Variants in SPOCK2 observed in about 807,000 individuals in gnomAD.
SPOCK2 encodes SPARC (osteonectin), cwcv and kazal like domains proteoglycan 2.
In SPOCK2, 39 loss-of-function variants were observed where a neutral mutation model predicts 60.1. The ratio of observed to expected loss-of-function variants is 0.65; its 90% CI spans 0.50 to 0.85. The LOEUF (loss-of-function observed/expected upper bound fraction) is 0.85, where lower values mean the gene tolerates loss of function less well. Among genes scored for constraint, SPOCK2 ranks in the 40% least tolerant of loss-of-function variants. The pLI is 0.00. For missense variants in SPOCK2, 523 were observed against 567.4 expected (o/e 0.92, Z 0.80); for synonymous variants, 217 against 231.5 (o/e 0.94, Z 0.57).
rs768302004 is a variant in SPOCK2, at chr10:72,072,519, A to T, written c.228T>A (p.Asn76Lys). The T allele has an allele frequency of 1.2e-5, 19 of 1,613,840 alleles. No individual in the cohort carries two copies. The Admixed American group carries it at 2.8e-4, about 24-fold the overall frequency. ...EDDYIKSWED[N>K]QQGDEALDTT... ...TCATGTTACCTTCATCTCCTTGCTG[A>T]TTGTCCTCCCAGCTCTTGATATAGT... Residue 76 changes from asparagine (N) to lysine (K), a missense_variant, in exon 3 of 11, where the codon AAT becomes AAA. Transcript: ENST00000373109.
intron 1 of SPOCK2, among the ~76,000 whole-genome samples, chr10:72,080,079 G>T (rs1396072322): frequency 6.6e-6 from 1 of 152,100 alleles, no homozygotes; most frequent in Non-Finnish European, 1.5e-5. Flanking sequence ...CACCCGGGGA[G>T]CCTAGGGACA....
intron 8 of SPOCK2, among the ~76,000 whole-genome samples, chr10:72,064,675 C>G (rs981737365): frequency 6.6e-6 from 1 of 152,184 alleles, no homozygotes; most frequent in Non-Finnish European, 1.5e-5. Flanking sequence ...CATAAGATTA[C>G]AACACTATTT....
chr10:72,067,112 T>A lies in SPOCK2; in HGVS notation c.718A>T (p.Lys240Ter), dbSNP rs764159280. Reference protein sequence around the residue: ...SVAGPASGLDKSLGASCKDSI... With the variant: ...SVAGPASGLD ...TCCTTGCAGCTGGCCCCCAGGCTCT[T>A]GTCCAGCCCTGGGAAAAGATCAGGT... The change falls in exon 8 of 11, where the codon AAG becomes TAG. Residue 240 changes from lysine (K) to a stop codon, truncating the protein, a stop_gained. Transcript: ENST00000373109. LOFTEE classifies it high-confidence loss of function. The A allele has an allele frequency of 6.2e-7, 1 of 1,613,454 alleles. No homozygotes were observed. The highest frequency in any genetic ancestry group is 8.5e-7 in the Non-Finnish European group (1 of 1,179,846).
chr10:72,064,354 G>A (rs370924311), intron 8 of SPOCK2, 114 bp from the exon 9 acceptor site: 21 of 1,185,780 alleles, frequency 1.8e-5, no homozygotes, highest in Middle Eastern at 2.2e-4. Flanking sequence ...AAAACACCCC[G>A]TTTCTGACAC....
In SPOCK2 at chr10:72,072,922, G is replaced by A. The variant is rs1300086450; in HGVS notation, c.190-12C>T. The stretch of plus-strand genomic sequence containing the variant: ...CTCACCTCCACTTCCTGGAGATCAG[G>A]GAACAGCAGCAGGCCATGGAAAACG... On this transcript the variant is annotated splice_polypyrimidine_tract_variant and intron_variant, in intron 1 of 10. Coordinates refer to ENST00000373109, the MANE Select transcript of SPOCK2 (RefSeq NM_001244950.2). 19 of 1,555,040 alleles carry A rather than the reference G, an allele frequency of 1.2e-5. No individual in the cohort carries two copies. The highest frequency in any genetic ancestry group is 1.6e-5 in the Non-Finnish European group (18 of 1,148,840).
In SPOCK2 at chr10:72,063,021, G is replaced by A. The variant is rs775974916; in HGVS notation, c.1129+4C>T. On this transcript the variant is annotated splice_donor_region_variant and intron_variant, in intron 10 of 10. Coordinates refer to ENST00000373109, the MANE Select transcript of SPOCK2 (RefSeq NM_001244950.2). ...CAGCAGGCCCTGAGCTGCCCAGCCC[G>A]TACCGCAGTCGGGGCTCCCATGCGT... The A allele has an allele frequency of 2.4e-5, 37 of 1,559,682 alleles. No individual in the cohort carries two copies. Among genetic ancestry groups the A allele is most frequent in the East Asian group, 4.8e-5 (2 of 41,618 alleles).
rs146659809 is a variant in SPOCK2, at chr10:72,068,435, G to A, written c.475-134C>T. The A allele has an allele frequency of 3.3e-3, 3,033 of 914,850 alleles. 40 individuals carry two copies. Among genetic ancestry groups the A allele is most frequent in the African/African-American group, 0.033 (1,974 of 59,626 alleles). The allele number at this position is 914,850 out of a possible 1,614,324, so 56.7% of individuals were successfully genotyped here. ...GGAGTGCCCATGAACAGCCTGAAGG[G>A]TCCTCTTGGTTCCTCTGCAGACTGA... is the stretch of plus-strand genomic sequence containing the variant. On this transcript the variant is annotated intron_variant, in intron 5 of 10. Transcript: ENST00000373109.
intron 1 of SPOCK2, among the ~76,000 whole-genome samples, chr10:72,083,899 C>T (rs1287277165): frequency 6.6e-6 from 1 of 152,186 alleles, no homozygotes; most frequent in Non-Finnish European, 1.5e-5. Flanking sequence ...CCCACACTTA[C>T]CCACAGACGT....
At chr10:72,078,454 T>G (rs1840744032) in intron 1 of SPOCK2, among the ~76,000 whole-genome samples, 1 of 151,840 alleles carries the variant, frequency 6.6e-6, no homozygotes, top group South Asian at 2.1e-4. Flanking sequence ...GAGCTTGTAG[T>G]GAGCCAAGAT....
chr10:72,086,115 C>A, intron 1 of SPOCK2: 1 of 893,448 alleles, frequency 1.1e-6, no homozygotes, highest in Non-Finnish European at 1.3e-6. Flanking sequence ...GCCAGGACTA[C>A]CTTAAATGGG....
At chr10:72,064,722 T>G (rs1468625006) in intron 8 of SPOCK2, among the ~76,000 whole-genome samples, 1 of 152,174 alleles carries the variant, frequency 6.6e-6, no homozygotes, top group Non-Finnish European at 1.5e-5. Context: ...ATGTTTATTT[T>G]TTTATTTTTT....
rs535007522 is a variant in SPOCK2, at chr10:72,075,592, G to T, written c.190-2682C>A. 3.9e-5 allele frequency among the ~76,000 whole-genome samples: 6 copies of T among 152,282 alleles called. No homozygotes were observed. In the South Asian group the frequency reaches 1.0e-3, roughly 26 times the overall value. ...ACCAAGAATTTATGATTAGAAATTT[G>T]GGGGAAAGTGGGGATGGCGTGGGAG... is the stretch of plus-strand genomic sequence containing the variant. On this transcript the variant is annotated intron_variant, in intron 1 of 10. Transcript: ENST00000373109.
At chr10:72,071,926 C>T (rs1219799183) in intron 4 of SPOCK2, among the ~76,000 whole-genome samples, 1 of 152,138 alleles carries the variant, frequency 6.6e-6, no homozygotes, top group Non-Finnish European at 1.5e-5. Flanking sequence ...TTGACTATAA[C>T]CTCAAGACAG....
intron 5 of SPOCK2, among the ~76,000 whole-genome samples, chr10:72,069,618 C>T (rs1840618288): frequency 6.6e-6 from 1 of 152,026 alleles, no homozygotes; most frequent in Admixed American, 6.6e-5. Context: ...CCACTGCACC[C>T]AGCTAATTTT....
At chr10:72,066,787 G>T in intron 8 of SPOCK2, 115 bp downstream of exon 8, 1 of 1,197,734 alleles carries the variant, frequency 8.3e-7, no homozygotes, top group Non-Finnish European at 1.2e-6. Context: ...CTGGGAAAGT[G>T]CTGGGCCTGG....
At position 72,070,401 on chromosome 10, in the gene SPOCK2, G is replaced by C; in HGVS notation, c.385C>G (p.His129Asp). The change falls in exon 5 of 11, where the codon CAT becomes GAT. Residue 129 changes from histidine (H) to aspartate (D), a missense_variant. By Grantham distance (81) the His-to-Asp change is moderately conservative. Transcript: ENST00000373109. ...TTGCAGATGGAGTCTTTGTTTCCAT[G>C]GAGTTTCACGGTCGGCTGCTTGATC... Reference protein sequence around the residue: ...HRIKQPTVKLHGNKDSICKPC... With the variant: ...HRIKQPTVKLDGNKDSICKPC... The C allele has an allele frequency of 6.2e-7, 1 of 1,614,180 alleles. No individual in the cohort carries two copies. The highest frequency in any genetic ancestry group is 8.5e-7 in the Non-Finnish European group (1 of 1,180,010).
chr10:72,084,796 A>G (rs1840833225), intron 1 of SPOCK2, among the ~76,000 whole-genome samples: 1 of 152,158 alleles, frequency 6.6e-6, no homozygotes, highest in Non-Finnish European at 1.5e-5. Flanking sequence ...AACAATAACT[A>G]TCTCCCAGAT....
chr10:72,068,931 GACA>G (rs1032865827), intron 5 of SPOCK2: 1 of 152,412 alleles, frequency 6.6e-6, no homozygotes, highest in Non-Finnish European at 1.5e-5. Flanking sequence ...CACAGCGCTC[GACA>G]ACATTATCTC....
intron 8 of SPOCK2, among the ~76,000 whole-genome samples, chr10:72,064,497 A>G (rs1169197186): frequency 6.6e-6 from 1 of 152,110 alleles, no homozygotes; most frequent in Admixed American, 6.5e-5. Context: ...GACCCATGAG[A>G]GGAGTAACAG....
Sources: allele counts gnomAD v4.1 joint callset (sites outside exome capture counted in the v4.1 genomes callset), GRCh38; gene constraint gnomAD v4.1.1; transcripts MANE v1.5; gene names NCBI Gene and HGNC (gene_info 2026-07-23, HGNC 2026-07-21).